Variants in PTPRN2 observed in about 807,000 individuals in gnomAD.
PTPRN2 encodes the protein receptor-type tyrosine-protein phosphatase N2.
A neutral mutation model predicts 118.8 loss-of-function variants in PTPRN2; 74 were observed. The observed-to-expected ratio is 0.62, with a 90% CI of 0.52 to 0.76. PTPRN2 has a LOEUF of 0.76. Among genes scored for constraint, PTPRN2 ranks in the 30% least tolerant of loss-of-function variants. The pLI is 0.00. For synonymous variants in PTPRN2, 641 were observed against 608.0 expected (o/e 1.05, Z -0.80); for missense variants, 1,481 against 1,394.4 (o/e 1.06, Z -0.99).
intron 12 of PTPRN2, among the ~76,000 whole-genome samples, chr7:157,685,310 C>T (rs1797129323): frequency 6.6e-6 from 1 of 152,008 alleles, no homozygotes; most frequent in Non-Finnish European, 1.5e-5. Context: ...ATGACTGCGC[C>T]CGGGAACAGG....
chr7:158,362,236 C>T (rs1470806212), intron 2 of PTPRN2, among the ~76,000 whole-genome samples: 1 of 152,188 alleles, frequency 6.6e-6, no homozygotes, highest in Admixed American at 6.5e-5. Flanking sequence ...AAGAGGCCGC[C>T]CCTGCCCGCC....
rs78531119 is a variant in PTPRN2 at position 158,204,621 on chromosome 7, A to G, written c.380+550T>C. Among the ~76,000 whole-genome samples, 133 of 152,168 alleles carry G rather than the reference A, an allele frequency of 8.7e-4. 1 individual carries two copies. The highest frequency in any genetic ancestry group is 2.8e-3 in the African/African-American group (117 of 41,500). ...CTTACTGTGGTTTGTCTTTAGACTA[A>G]TTTTTTAACCTCCCTATGACTCAAT... is the stretch of plus-strand genomic sequence containing the variant. On this transcript the variant is annotated intron_variant, in intron 4 of 22. Coordinates refer to ENST00000389418, the MANE Select transcript of PTPRN2 (RefSeq NM_002847.5).
intron 1 of PTPRN2, among the ~76,000 whole-genome samples, chr7:158,506,262 T>C (rs1586824245): frequency 6.6e-6 from 1 of 152,066 alleles, no homozygotes; most frequent in Non-Finnish European, 1.5e-5. Flanking sequence ...AAGTCCCCTC[T>C]CCCCGGAGGT....
intron 5 of PTPRN2, among the ~76,000 whole-genome samples, chr7:158,177,781 A>C (rs1339966019): frequency 6.6e-6 from 1 of 152,200 alleles, no homozygotes; most frequent in African/African-American, 2.4e-5. Flanking sequence ...TCTGATAGAC[A>C]TTTGGGTTTT....
chr7:158,548,486 C>G (rs1826437177), intron 1 of PTPRN2, among the ~76,000 whole-genome samples: 1 of 152,224 alleles, frequency 6.6e-6, no homozygotes, highest in Non-Finnish European at 1.5e-5. Flanking sequence ...TGCCACTCCA[C>G]CGAGCTCCGC....
chr7:157,543,991 G>GGA (rs1475805406), intron 22 of PTPRN2, among the ~76,000 whole-genome samples: 1 of 152,078 alleles, frequency 6.6e-6, no homozygotes, highest in Admixed American at 6.5e-5. Flanking sequence ...AGAGAGAGGT[G>GGA]GAGAGAGATG....
At chr7:158,389,576 A>G (rs1563232560) in intron 2 of PTPRN2, among the ~76,000 whole-genome samples, 1 of 152,226 alleles carries the variant, frequency 6.6e-6, no homozygotes, top group Non-Finnish European at 1.5e-5. Context: ...ATAAATTAAA[A>G]ATAATGGGAT....
At chr7:158,118,488 C>CA (rs1816901139) in intron 9 of PTPRN2, among the ~76,000 whole-genome samples, 2 of 152,200 alleles carry the variant, frequency 1.3e-5, no homozygotes, top group Non-Finnish European at 2.9e-5. Flanking sequence ...AAATGAGTGG[C>CA]AAAAAATCCA....
Position 157,539,737 on chromosome 7 carries a change from G to A in PTPRN2, c.*977C>T, listed in dbSNP as rs903075840. ...GAGGGAAATGCTCGCAGCCCTCTCC[G>A]AGTTGCCCTGATCTCCTTCTCTCCC... On this transcript the variant is annotated 3_prime_UTR_variant, in exon 23 of 23. Coordinates refer to ENST00000389418, the MANE Select transcript of PTPRN2 (RefSeq NM_002847.5). 2 of 151,872 alleles carry A rather than the reference G, an allele frequency of 1.3e-5. No homozygotes were observed. The highest frequency in any genetic ancestry group is 1.9e-4 in the East Asian group (1 of 5,186). 9.4% of individuals were successfully genotyped at this position (151,872 alleles called of 1,614,324 possible).
chr7:157,711,442 C>T (rs972935849), intron 12 of PTPRN2, among the ~76,000 whole-genome samples: 4 of 146,162 alleles, frequency 2.7e-5, no homozygotes, highest in Admixed American at 6.8e-5. Context: ...GCCCCACGCG[C>T]CGGAGGTCCG....
At chr7:157,696,742 C>T (rs2150850902) in intron 12 of PTPRN2, among the ~76,000 whole-genome samples, 1 of 148,336 alleles carries the variant, frequency 6.7e-6, no homozygotes, top group Non-Finnish European at 1.5e-5. Context: ...ACCGTCTACC[C>T]ATGCATACTG....
intron 3 of PTPRN2, among the ~76,000 whole-genome samples, chr7:158,300,343 G>C (rs1800795761): frequency 6.6e-6 from 1 of 152,178 alleles, no homozygotes; most frequent in Non-Finnish European, 1.5e-5. Flanking sequence ...CGACGGCTAG[G>C]GTTGGAAGGT....
At chr7:157,781,217 C>A (rs1014573630) in intron 12 of PTPRN2, among the ~76,000 whole-genome samples, 1 of 152,230 alleles carries the variant, frequency 6.6e-6, no homozygotes, top group Non-Finnish European at 1.5e-5. Flanking sequence ...AGGTCCACGG[C>A]TGCTTTTGAT....
chr7:157,901,778 C>A (rs1267679541), intron 11 of PTPRN2, among the ~76,000 whole-genome samples: 1 of 78,694 alleles, frequency 1.3e-5, no homozygotes, highest in Non-Finnish European at 3.3e-5. Flanking sequence ...TGAGGCGGGG[C>A]CTTCCCGTCC....
intron 3 of PTPRN2, among the ~76,000 whole-genome samples, chr7:158,213,794 C>A (rs1296353125): frequency 6.6e-6 from 1 of 152,022 alleles, no homozygotes; most frequent in Non-Finnish European, 1.5e-5. Flanking sequence ...AAAAGGGATT[C>A]TCTTAATATT....
At chr7:157,639,753 GC>G (rs879830175) in intron 14 of PTPRN2, among the ~76,000 whole-genome samples, 1 of 152,202 alleles carries the variant, frequency 6.6e-6, no homozygotes, top group Non-Finnish European at 1.5e-5. Context: ...CTGGACCCGA[GC>G]CCCCCACATA....
intron 3 of PTPRN2, among the ~76,000 whole-genome samples, chr7:158,291,715 C>T (rs1172939668): frequency 6.6e-6 from 1 of 152,208 alleles, no homozygotes; most frequent in Non-Finnish European, 1.5e-5. Context: ...CCTGTCTGCA[C>T]CAATGTTCCT....
At chr7:157,800,730 A>G (rs988374309) in intron 12 of PTPRN2, among the ~76,000 whole-genome samples, 1 of 151,974 alleles carries the variant, frequency 6.6e-6, no homozygotes, top group Non-Finnish European at 1.5e-5. Flanking sequence ...AGGCGGGCGG[A>G]TCACGAGGTC....
At chr7:158,158,866 T>C (rs370590468) in intron 6 of PTPRN2, among the ~76,000 whole-genome samples, 8 of 59,530 alleles carry the variant, frequency 1.3e-4, no homozygotes, top group East Asian at 4.1e-4. Context: ...GCAAGGGCTT[T>C]CTGAATGAAT....
Sources: gnomAD v4.1 joint callset for allele counts (sites outside exome capture counted in the v4.1 genomes callset) on GRCh38, gnomAD v4.1.1 for gene constraint, MANE v1.5 for transcripts, NCBI Gene and HGNC (gene_info 2026-07-23, HGNC 2026-07-21) for gene names.